XKR4: variants seen among roughly 807,000 people sequenced by gnomAD.
The protein encoded by XKR4 is XK related 4.
A neutral mutation model predicts 53.9 loss-of-function variants in XKR4; 12 were observed. The observed-to-expected ratio is 0.22, with a 90% CI of 0.14 to 0.36. The LOEUF (loss-of-function observed/expected upper bound fraction) is 0.36, where lower values mean the gene tolerates loss of function less well. Among genes scored for constraint, XKR4 ranks in the 10% least tolerant of loss-of-function variants. The pLI is 1.00. For missense variants in XKR4, 799 were observed against 859.5 expected (o/e 0.93, Z 0.88); for synonymous variants, 354 against 362.4 (o/e 0.98, Z 0.26).
Position 55,109,860 on chromosome 8 carries a change from T to G in XKR4, c.806+6566T>G, listed in dbSNP as rs1816208950. ...TTTGCTCAATCTCTTACAAAATGTT[T>G]CTTCATGATTGAGTATCCAAGCACA... is the stretch of plus-strand genomic sequence containing the variant. On this transcript the variant is annotated intron_variant, in intron 1 of 2. Coordinates refer to ENST00000327381, the MANE Select transcript of XKR4 (RefSeq NM_052898.2). Among the ~76,000 whole-genome samples, 7 of 152,224 alleles carry G rather than the reference T, an allele frequency of 4.6e-5. No individual in the cohort carries two copies. The South Asian group carries it at 1.2e-3, about 27-fold the overall frequency.
At chr8:55,518,605 T>C (rs1197387045) in intron 2 of XKR4, among the ~76,000 whole-genome samples, 1 of 152,232 alleles carries the variant, frequency 6.6e-6, no homozygotes, top group Non-Finnish European at 1.5e-5. Context: ...GCAAATGTTG[T>C]CACCTACAGC....
intron 2 of XKR4, among the ~76,000 whole-genome samples, chr8:55,522,046 T>C (rs948373471): frequency 3.3e-5 from 5 of 152,354 alleles, no homozygotes; most frequent in Admixed American, 2.0e-4. Context: ...CCAGCTGCGA[T>C]GCAGATTGGC....
intron 1 of XKR4, among the ~76,000 whole-genome samples, chr8:55,332,173 T>C (rs57629044): frequency 0.075 from 11,397 of 152,130 alleles, 1,369 homozygotes; most frequent in African/African-American, 0.26. Flanking sequence ...AACAAAACTT[T>C]AATTTCAATC....
At chr8:55,134,743 C>A (rs1055884261) in intron 1 of XKR4, among the ~76,000 whole-genome samples, 1 of 152,214 alleles carries the variant, frequency 6.6e-6, no homozygotes, top group Non-Finnish European at 1.5e-5. Flanking sequence ...TGGGCTCTTG[C>A]ACCAAATGAA....
intron 1 of XKR4, among the ~76,000 whole-genome samples, chr8:55,116,869 C>G (rs536176643): frequency 5.3e-4 from 80 of 152,182 alleles, no homozygotes; most frequent in Non-Finnish European, 6.3e-4. Flanking sequence ...GTGGTCACCC[C>G]ACATGGCTTT....
chr8:55,476,288 G>T (rs1805982418), intron 2 of XKR4, among the ~76,000 whole-genome samples: 1 of 152,042 alleles, frequency 6.6e-6, no homozygotes, highest in Admixed American at 6.6e-5. Flanking sequence ...AATTCACAGG[G>T]CGCCTGACTG....
chr8:55,436,133 T>C (rs1414705149), intron 2 of XKR4, among the ~76,000 whole-genome samples: 1 of 152,202 alleles, frequency 6.6e-6, no homozygotes, highest in African/African-American at 2.4e-5. Flanking sequence ...AGCCATCTTA[T>C]GATTGGGTTT....
intron 2 of XKR4, among the ~76,000 whole-genome samples, chr8:55,360,580 T>A (rs1435962328): frequency 6.6e-6 from 1 of 152,244 alleles, no homozygotes; most frequent in Non-Finnish European, 1.5e-5. Flanking sequence ...CTGTAAAGGA[T>A]TTGCAGATAG....
chr8:55,338,294 T>C (rs769067686), intron 1 of XKR4, among the ~76,000 whole-genome samples: 8 of 152,226 alleles, frequency 5.3e-5, no homozygotes, highest in African/African-American at 9.6e-5. Flanking sequence ...GATTCACTTA[T>C]GGTAAACGTC....
chr8:55,214,692 CA>C (rs1476212291), intron 1 of XKR4, among the ~76,000 whole-genome samples: 3 of 152,150 alleles, frequency 2.0e-5, no homozygotes, highest in Non-Finnish European at 4.4e-5. Flanking sequence ...TTCTCTGGCC[CA>C]GGGGTGGAGT....
chr8:55,406,853 C>G (rs986610978), intron 2 of XKR4, among the ~76,000 whole-genome samples: 3 of 152,088 alleles, frequency 2.0e-5, no homozygotes, highest in African/African-American at 7.2e-5. Context: ...GACTCTAAGG[C>G]CTTTTACTTC....
At chr8:55,405,533 G>A (rs1225682817) in intron 2 of XKR4, among the ~76,000 whole-genome samples, 2 of 152,214 alleles carry the variant, frequency 1.3e-5, no homozygotes, top group Non-Finnish European at 2.9e-5. Context: ...GCTTAAGAGA[G>A]AACAACATTA....
At chr8:55,186,756 TC>T (rs1370652645) in intron 1 of XKR4, among the ~76,000 whole-genome samples, 1 of 152,214 alleles carries the variant, frequency 6.6e-6, no homozygotes, top group African/African-American at 2.4e-5. Context: ...TACTTTTTTT[TC>T]CACACTCAGA....
At chr8:55,312,283 C>T (rs1819399992) in intron 1 of XKR4, among the ~76,000 whole-genome samples, 1 of 151,932 alleles carries the variant, frequency 6.6e-6, no homozygotes, top group African/African-American at 2.4e-5. Context: ...ACCATTTCCT[C>T]AAGTTAATAA....
intron 1 of XKR4, among the ~76,000 whole-genome samples, chr8:55,197,105 C>T (rs1817516102): frequency 6.6e-6 from 1 of 152,130 alleles, no homozygotes; most frequent in Non-Finnish European, 1.5e-5. Context: ...AATTGAGGAC[C>T]TGATGGTTTA....
At chr8:55,283,140 A>G (rs1269387698) in intron 1 of XKR4, among the ~76,000 whole-genome samples, 2 of 152,212 alleles carry the variant, frequency 1.3e-5, no homozygotes, top group Admixed American at 6.5e-5. Context: ...AGTACACTCT[A>G]TGATGTTCAC....
At chr8:55,182,022 T>C (rs932696930) in intron 1 of XKR4, among the ~76,000 whole-genome samples, 1 of 152,204 alleles carries the variant, frequency 6.6e-6, no homozygotes, top group Non-Finnish European at 1.5e-5. Flanking sequence ...TCCCTCCTCA[T>C]GTATTCCATG....
Position 55,111,775 on chromosome 8 carries a change from C to T in XKR4, c.806+8481C>T, listed in dbSNP as rs571449255. On this transcript the variant is annotated intron_variant, in intron 1 of 2. Transcript: ENST00000327381. ...TGCTGTGATTAACAAATAAGAACAA[C>T]GCTTCACAGGCTTGAAAGAACTATC... is the stretch of plus-strand genomic sequence containing the variant. Among the ~76,000 whole-genome samples the T allele has an allele frequency of 5.9e-5, 9 of 152,062 alleles. No homozygotes were observed. In the South Asian group the frequency reaches 8.3e-4, roughly 14 times the overall value.
intron 2 of XKR4, among the ~76,000 whole-genome samples, chr8:55,490,559 A>G (rs1242751216): frequency 1.3e-5 from 2 of 152,182 alleles, no homozygotes; most frequent in African/African-American, 4.8e-5. Context: ...TCTAAATCTA[A>G]AAGTTGTAAC....
Sources: gnomAD v4.1 joint callset for allele counts (sites outside exome capture counted in the v4.1 genomes callset) on GRCh38, gnomAD v4.1.1 for gene constraint, MANE v1.5 for transcripts, NCBI Gene and HGNC (gene_info 2026-07-23, HGNC 2026-07-21) for gene names.